ZNF141: variants seen among roughly 807,000 people sequenced by gnomAD.
ZNF141 encodes the protein zinc finger protein 141 (clone pHZ-44).
Under a neutral mutation model 11.3 loss-of-function variants are expected in ZNF141, and 7 were observed. The ratio of observed to expected loss-of-function variants is 0.62; its 90% CI spans 0.35 to 1.16. The LOEUF is 1.16. Among genes scored for constraint, ZNF141 ranks in the 50% most tolerant of loss-of-function variants. The pLI, the probability that ZNF141 is intolerant of heterozygous loss-of-function variation, is 0.02. For missense variants in ZNF141, 535 were observed against 554.0 expected, an observed-to-expected ratio of 0.97 and a Z score of 0.34; for synonymous variants, 183 against 190.7, an observed-to-expected ratio of 0.96 and a Z score of 0.33.
In ZNF141 at chr4:383,168, C is replaced by CT. The variant is rs1451576202; in HGVS notation, c.*9307dup. On this transcript the variant is annotated 3_prime_UTR_variant, in exon 4 of 4. Coordinates refer to ENST00000240499, the MANE Select transcript of ZNF141 (RefSeq NM_003441.4). ...TAGCATCTGAGAAAAGCCAAAGTGC[C>CT]TCAGTTTACAGACAGCTCACTCACA... 1 of 702,032 alleles carries CT rather than the reference C, an allele frequency of 1.4e-6. No homozygotes were observed. The allele number at this position is 702,032 out of a possible 1,614,324, so 43.5% of individuals were successfully genotyped here.
chr4:343,260 AT>A (rs1279461199), intron 1 of ZNF141, among the ~76,000 whole-genome samples: 3 of 152,120 alleles, frequency 2.0e-5, no homozygotes, highest in African/African-American at 7.2e-5. Context: ...AGTGTAGCCC[AT>A]TATTTTTATT....
chr4:383,337 A>G lies in ZNF141; in HGVS notation c.*9475A>G, dbSNP rs1712749063. On this transcript the variant is annotated 3_prime_UTR_variant, in exon 4 of 4. Transcript: ENST00000240499. ...CTAGTATGTTTCGGGATTGTTATGCAGTTATAAGTTAGTAATATATACACC... is the reference window on the plus strand; with the variant it reads ...CTAGTATGTTTCGGGATTGTTATGCGGTTATAAGTTAGTAATATATACACC... The G allele has an allele frequency of 1.7e-6, 1 of 573,786 alleles. No individual in the cohort carries two copies. Among genetic ancestry groups the G allele is most frequent in the Admixed American group, 3.4e-5 (1 of 29,708 alleles). 35.5% of individuals were successfully genotyped at this position (573,786 alleles called of 1,614,324 possible).
At position 373,336 on chromosome 4, in the gene ZNF141, A is replaced by G; in HGVS notation, c.899A>G (p.Lys300Arg). Residue 300 changes from lysine (K) to arginine (R), a missense_variant, in exon 4 of 4, where the codon AAA becomes AGA. Lys to Arg is a conservative substitution (Grantham distance 26). Transcript: ENST00000240499. The stretch of plus-strand genomic sequence containing the variant: ...TTTACCTCATCCTCAAACTTTGCCA[A>G]ACATAAGCGAATTCATACTGGAGAG... ...KIFTSSSNFA[K>R]HKRIHTGEKP... 1 of 1,614,038 alleles carries G rather than the reference A, an allele frequency of 6.2e-7. No individual in the cohort carries two copies. The highest frequency in any genetic ancestry group is 8.5e-7 in the Non-Finnish European group (1 of 1,179,940).
rs549940358 is a variant in ZNF141, at chr4:384,403, C to T, written c.*10541C>T. 1.4e-4 allele frequency: 22 copies of T among 152,254 alleles called. No homozygotes were observed. Among genetic ancestry groups the T allele is most frequent in the African/African-American group, 5.3e-4 (22 of 41,536 alleles). 9.4% of individuals were successfully genotyped at this position (152,254 alleles called of 1,614,324 possible). A position where few individuals can be genotyped will look rare whatever the true frequency, so the allele number is the denominator to read the frequency against. ...GGAAGGTCTTGGGAGATGAAAAACACCCACGGGACCACACCTGCACCACCC... is the reference window on the plus strand; with the variant it reads ...GGAAGGTCTTGGGAGATGAAAAACATCCACGGGACCACACCTGCACCACCC... On this transcript the variant is annotated 3_prime_UTR_variant, in exon 4 of 4. Transcript: ENST00000240499.
chr4:363,214 C>T (rs1395615907), intron 3 of ZNF141, among the ~76,000 whole-genome samples: 1 of 152,168 alleles, frequency 6.6e-6, no homozygotes, highest in African/African-American at 2.4e-5. Flanking sequence ...GTGATTTTTG[C>T]ACATTGATTT....
chr4:380,907 A>G lies in ZNF141; in HGVS notation c.*7045A>G, dbSNP rs1420763982. Among the ~76,000 whole-genome samples, 4 of 152,188 alleles carry G rather than the reference A, an allele frequency of 2.6e-5. No individual in the cohort carries two copies. The highest frequency in any genetic ancestry group is 1.9e-4 in the East Asian group (1 of 5,192). On this transcript the variant is annotated 3_prime_UTR_variant, in exon 4 of 4. Coordinates refer to ENST00000240499, the MANE Select transcript of ZNF141 (RefSeq NM_003441.4). ...TGTCATATATGTGTGTGCAAAACGTATAAAATATACAGAAAAGAGAAATAC... is the reference window on the plus strand; with the variant it reads ...TGTCATATATGTGTGTGCAAAACGTGTAAAATATACAGAAAAGAGAAATAC...
intron 3 of ZNF141, among the ~76,000 whole-genome samples, chr4:346,142 G>A (rs1721309417): frequency 6.6e-6 from 1 of 152,082 alleles, no homozygotes; most frequent in Non-Finnish European, 1.5e-5. Context: ...ACTGAGGGAA[G>A]CAACATATTA....
intron 3 of ZNF141, among the ~76,000 whole-genome samples, chr4:366,693 G>T (rs1711760802): frequency 2.0e-5 from 3 of 152,074 alleles, no homozygotes; most frequent in Non-Finnish European, 4.4e-5. Context: ...TATTTAATTT[G>T]GGATGGAGTC....
rs575167990 is a variant in ZNF141, at chr4:379,721, A to T, written c.*5859A>T. Among the ~76,000 whole-genome samples the T allele has an allele frequency of 2.6e-5, 4 of 152,370 alleles. No homozygotes were observed. The South Asian group carries it at 8.3e-4, about 32-fold the overall frequency. ...ACAGCACAAAAACTATATATTTTTT[A>T]TAATACTCAAGTTGTTTGACAAAGA... is the stretch of plus-strand genomic sequence containing the variant. On this transcript the variant is annotated 3_prime_UTR_variant, in exon 4 of 4. Transcript: ENST00000240499.
intron 3 of ZNF141, among the ~76,000 whole-genome samples, chr4:361,652 T>C (rs1325499341): frequency 6.6e-6 from 1 of 152,178 alleles, no homozygotes; most frequent in Non-Finnish European, 1.5e-5. Context: ...TTTGTGATAG[T>C]TTGCTCAGAA....
Position 374,438 on chromosome 4 carries a change from T to C in ZNF141, c.*576T>C. 1 of 359,206 alleles carries C rather than the reference T, an allele frequency of 2.8e-6. No homozygotes were observed. The highest frequency in any genetic ancestry group is 5.7e-6 in the Non-Finnish European group (1 of 176,306). The allele number at this position is 359,206 out of a possible 1,614,324, so 22.3% of individuals were successfully genotyped here. A position where few individuals can be genotyped will look rare whatever the true frequency, so the allele number is the denominator to read the frequency against. ...ACTTTGTTAAACATAAGAGAATTTA[T>C]ACCAGAGAGAAACCCTACACATGTA... On this transcript the variant is annotated 3_prime_UTR_variant, in exon 4 of 4. Transcript: ENST00000240499.
At chr4:362,516 A>C (rs1310233354) in intron 3 of ZNF141, among the ~76,000 whole-genome samples, 4 of 152,214 alleles carry the variant, frequency 2.6e-5, no homozygotes, top group African/African-American at 9.6e-5. Flanking sequence ...TTATAGGTCT[A>C]ACATTTAAGT....
chr4:374,196 G>A lies in ZNF141; in HGVS notation c.*334G>A. 3.1e-6 allele frequency: 1 copy of A among 325,630 alleles called. No individual in the cohort carries two copies. The highest frequency in any genetic ancestry group is 5.9e-6 in the Non-Finnish European group (1 of 170,466). The allele number at this position is 325,630 out of a possible 1,614,324, so 20.2% of individuals were successfully genotyped here. A position where few individuals can be genotyped will look rare whatever the true frequency, so the allele number is the denominator to read the frequency against. On this transcript the variant is annotated 3_prime_UTR_variant, in exon 4 of 4. Transcript: ENST00000240499. ...GAATAAACATAAGAAAAATCATGCT[G>A]GAGGGAAGCCCTACACATGTGGCAG...
rs782618581 is a variant in ZNF141 at position 373,592 on chromosome 4, TA to T, written c.1162del (p.Ile388PhefsTer51). ...FGRSRVLNEHKKIHTGEKPYK... is the reference protein window; with the variant it reads ...FGRSRVLNEHXKIHTGEKPYK... ...GACGGTCCAGGGTCCTGAATGAACA[TA>T]AAAAAATTCATACTGGAGAGAAACC... On this transcript the variant is annotated frameshift_variant, in exon 4 of 4. Transcript: ENST00000240499. LOFTEE classifies it low-confidence loss of function (END_TRUNC). 5 of 1,613,778 alleles carry T rather than the reference TA, an allele frequency of 3.1e-6. No individual in the cohort carries two copies. Among genetic ancestry groups the T allele is most frequent in the Non-Finnish European group, 4.2e-6 (5 of 1,179,932 alleles).
chr4:340,640 T>C (rs1553848294), intron 1 of ZNF141, among the ~76,000 whole-genome samples: 3 of 152,348 alleles, frequency 2.0e-5, no homozygotes, highest in South Asian at 2.1e-4. Context: ...AGAACTTTTG[T>C]TTGAGAAATA....
intron 3 of ZNF141, among the ~76,000 whole-genome samples, chr4:351,754 A>G (rs782757646): frequency 2.6e-5 from 4 of 152,248 alleles, no homozygotes; most frequent in Admixed American, 6.5e-5. Context: ...CAGGTCATCA[A>G]TAGCCCCGTA....
chr4:355,705 T>C (rs534889368), intron 3 of ZNF141, among the ~76,000 whole-genome samples: 2 of 152,346 alleles, frequency 1.3e-5, no homozygotes, highest in South Asian at 2.1e-4. Flanking sequence ...GTGAATGTTT[T>C]AGATTGTTTT....
At chr4:352,638 C>A (rs536647537) in intron 3 of ZNF141, among the ~76,000 whole-genome samples, 1 of 152,070 alleles carries the variant, frequency 6.6e-6, no homozygotes, top group African/African-American at 2.4e-5. Context: ...TTGCAATAAG[C>A]GTTTCTTGCG....
chr4:369,737 GAT>G (rs1342029616), intron 3 of ZNF141, among the ~76,000 whole-genome samples: 6 of 85,074 alleles, frequency 7.1e-5, no homozygotes, highest in African/African-American at 3.0e-4. Context: ...TTCTTAAAGA[GAT>G]ATATATATAT....
Sources: allele counts gnomAD v4.1 joint callset (sites outside exome capture counted in the v4.1 genomes callset), GRCh38; gene constraint gnomAD v4.1.1; transcripts MANE v1.5; gene names NCBI Gene and HGNC (gene_info 2026-07-23, HGNC 2026-07-21).